Variants in FHDC1 observed in about 807,000 individuals in gnomAD.
FHDC1 encodes the protein FH2 domain containing 1.
In FHDC1, 25 loss-of-function variants were observed where a neutral mutation model predicts 52.6. That is an observed-to-expected ratio of 0.48 (90% CI 0.35 to 0.66). The LOEUF is 0.66. FHDC1 is among the 30% of genes least tolerant of loss of function. FHDC1 has a pLI of 0.01. For missense variants in FHDC1, 1,459 were observed against 1,452.8 expected (o/e 1.00, Z -0.07); for synonymous variants, 616 against 581.5 (o/e 1.06, Z -0.85).
At chr4:152,950,973 A>C (rs1435362293) in intron 2 of FHDC1, among the ~76,000 whole-genome samples, 2 of 152,074 alleles carry the variant, frequency 1.3e-5, no homozygotes, top group Non-Finnish European at 2.9e-5. Context: ...CATAAGAGTA[A>C]TTTTCTCCTT....
At chr4:152,965,454 G>A (rs1414307369) in intron 9 of FHDC1, among the ~76,000 whole-genome samples, 1 of 152,116 alleles carries the variant, frequency 6.6e-6, no homozygotes, top group Non-Finnish European at 1.5e-5. Context: ...CACAGAGAAA[G>A]GCACATACAG....
chr4:152,963,064 T>G lies in FHDC1; in HGVS notation c.963T>G (p.Ser321=), dbSNP rs774301989. 2.0e-5 allele frequency: 33 copies of G among 1,613,918 alleles called. No homozygotes were observed. The highest frequency in any genetic ancestry group is 2.6e-5 in the Non-Finnish European group (31 of 1,180,022). ...AGNAVGFKLS[S]LLKLADTKAN... Reference sequence around the variant, plus strand: ...ATGCAGTAGGATTTAAACTGTCTTCTTTGCTCAAATTGGCAGACACAAAAG... The same window carrying G: ...ATGCAGTAGGATTTAAACTGTCTTCGTTGCTCAAATTGGCAGACACAAAAG... The change falls in exon 8 of 12, where the codon TCT becomes TCG. Residue 321 remains serine (S), a synonymous_variant. Transcript: ENST00000511601.
At chr4:152,943,645 C>A in intron 2 of FHDC1, 90 bp downstream of exon 2, 1 of 1,424,424 alleles carries the variant, frequency 7.0e-7, no homozygotes, top group East Asian at 2.3e-5. Context: ...TTGCTAGACA[C>A]CCCTAAGAAA....
the FHDC1 span, chr4:152,927,760 A>G: frequency 7.1e-7 from 1 of 1,415,114 alleles, no homozygotes; most frequent in South Asian, 1.2e-5. Flanking sequence ...AGCAACAAAG[A>G]GAAGAAGAAC....
In FHDC1 at chr4:152,972,473, A is replaced by T. The variant is rs558672247; in HGVS notation, c.1315A>T (p.Thr439Ser). ...AGATTTTTTCTGTGAAGACAAAAAA[A>T]CCATGAAACTGGATGAATGCTTTCA... ...LIDFFCEDKKTMKLDECFQIF... is the reference protein window; with the variant it reads ...LIDFFCEDKKSMKLDECFQIF... The change falls in exon 11 of 12, where the codon ACC (threonine) becomes TCC (serine). Residue 439 changes from threonine (T) to serine (S), a missense_variant. By Grantham distance (58) the Thr-to-Ser change is moderately conservative (BLOSUM62 1). This residue lies in a region of FHDC1 where 513 missense variants were observed against 581.5 expected (regional missense o/e 0.88). Coordinates refer to ENST00000511601, the MANE Select transcript of FHDC1 (RefSeq NM_001371116.1). 6.8e-6 allele frequency: 11 copies of T among 1,614,108 alleles called. No individual in the cohort carries two copies. The African/African-American group carries it at 1.2e-4, about 18-fold the overall frequency.
intron 2 of FHDC1, among the ~76,000 whole-genome samples, chr4:152,949,121 T>TAAGAAGAAGAAGAAG (rs1423440219): frequency 2.1e-3 from 138 of 65,458 alleles, no homozygotes; most frequent in East Asian, 4.2e-3. Flanking sequence ...ATAATAATAA[T>TAAGAAGAAGAAGAAG]AATAAGAAGA....
intron 4 of FHDC1, among the ~76,000 whole-genome samples, chr4:152,955,692 G>A (rs1740061816): frequency 6.6e-6 from 1 of 152,154 alleles, no homozygotes; most frequent in African/African-American, 2.4e-5. Context: ...TGTTCAGGCT[G>A]GTCTTGAACT....
chr4:152,960,675 A>C (rs766858840), intron 5 of FHDC1, 25 bp downstream of exon 5: 5 of 1,613,160 alleles, frequency 3.1e-6, no homozygotes, highest in Non-Finnish European at 3.4e-6. Flanking sequence ...GCTGGTTATT[A>C]TTCTTCACGC....
Position 152,975,053 on chromosome 4 carries a change from C to T in FHDC1, c.1762C>T (p.Pro588Ser). 6.2e-7 allele frequency: 1 copy of T among 1,612,282 alleles called. No homozygotes were observed. The highest frequency in any genetic ancestry group is 1.1e-5 in the South Asian group (1 of 91,056). ...CCGGCCCACGATAGCCTGCCTGGAG[C>T]CTGCAGAAGTGAGGCACCAGGACTC... ...QARPTIACLEPAEVRHQDSSF... is the reference protein window; with the variant it reads ...QARPTIACLESAEVRHQDSSF... Residue 588 changes from proline (P) to serine (S), a missense_variant, in exon 12 of 12, where the codon CCT (proline) becomes TCT (serine). Transcript: ENST00000511601.
intron 4 of FHDC1, among the ~76,000 whole-genome samples, chr4:152,956,102 A>G (rs1346195109): frequency 1.3e-5 from 2 of 152,240 alleles, no homozygotes; most frequent in African/African-American, 4.8e-5. Context: ...CATACTGAAC[A>G]GTCCTTAATC....
chr4:152,935,027 T>C (rs1195565514), upstream of FHDC1, among the ~76,000 whole-genome samples: 1 of 152,222 alleles, frequency 6.6e-6, no homozygotes, highest in East Asian at 1.9e-4. Context: ...GAGCATGACA[T>C]TGTCTTTCTC....
chr4:152,943,536 T>A lies in FHDC1; in HGVS notation c.479T>A (p.Phe160Tyr). The A allele has an allele frequency of 6.2e-7, 1 of 1,612,572 alleles. No homozygotes were observed. Among genetic ancestry groups the A allele is most frequent in the African/African-American group, 1.3e-5 (1 of 74,884 alleles). Reference protein sequence around the residue: ...PRRGRTLNSSFREAREEITIL... With the variant: ...PRRGRTLNSSYREAREEITIL... ...AGAGGAAGAACTTTAAATTCATCCT[T>A]CAGAGAAGCTCGAGAAGAGGTAAGA... Residue 160 changes from phenylalanine to tyrosine, a missense_variant, in exon 2 of 12, where the codon TTC (phenylalanine) becomes TAC (tyrosine). Physicochemically the swap from Phe to Tyr is conservative, Grantham distance 22. Around this residue, in one of 3 missense-constraint regions of FHDC1, gnomAD observed 513 missense variants for 581.5 expected, o/e 0.88. Coordinates refer to ENST00000511601, the MANE Select transcript of FHDC1 (RefSeq NM_001371116.1).
chr4:152,949,502 G>A (rs11733428), intron 2 of FHDC1, among the ~76,000 whole-genome samples: 56,314 of 151,728 alleles, frequency 0.37, 11,079 homozygotes, highest in East Asian at 0.52. Flanking sequence ...TAAATAAAAA[G>A]TTATGATGGC....
At chr4:152,961,133 G>A (rs1390303799) in intron 6 of FHDC1, among the ~76,000 whole-genome samples, 1 of 152,276 alleles carries the variant, frequency 6.6e-6, no homozygotes, top group East Asian at 1.9e-4. Context: ...TCTCCTGGAT[G>A]AGCTTTCTCT....
chr4:152,940,326 G>C (rs1739541960), intron 1 of FHDC1, among the ~76,000 whole-genome samples: 1 of 152,156 alleles, frequency 6.6e-6, no homozygotes, highest in South Asian at 2.1e-4. Flanking sequence ...AGCATACCAG[G>C]GACACTGTTG....
intron 10 of FHDC1, among the ~76,000 whole-genome samples, chr4:152,970,590 G>C (rs1193307630): frequency 6.6e-6 from 1 of 152,204 alleles, no homozygotes; most frequent in South Asian, 2.1e-4. Context: ...CAGTTGAGCT[G>C]TTCTTGGCTG....
At chr4:152,960,286 G>T (rs563877281) in intron 4 of FHDC1, among the ~76,000 whole-genome samples, 1 of 151,984 alleles carries the variant, frequency 6.6e-6, no homozygotes, top group East Asian at 1.9e-4. Flanking sequence ...ACCTTCCTGA[G>T]GATTCTGCTG....
At chr4:152,930,676 G>C in the FHDC1 span, among the ~76,000 whole-genome samples, 1 of 152,094 alleles carries the variant, frequency 6.6e-6, no homozygotes, top group Non-Finnish European at 1.5e-5. Flanking sequence ...CTTTTTAATG[G>C]TTCATTTTAA....
chr4:152,956,796 A>T (rs973372430), intron 4 of FHDC1, among the ~76,000 whole-genome samples: 1 of 152,152 alleles, frequency 6.6e-6, no homozygotes. Flanking sequence ...GCTTGGTCAC[A>T]CTTCGCCTCC....
Sources: allele counts gnomAD v4.1 joint callset (sites outside exome capture counted in the v4.1 genomes callset), GRCh38; gene constraint gnomAD v4.1.1; regional missense constraint gnomAD v4.1.1; transcripts MANE v1.5; gene names NCBI Gene and HGNC (gene_info 2026-07-23, HGNC 2026-07-21).